UGT1A9: variants seen among roughly 807,000 people sequenced by gnomAD.
The protein encoded by UGT1A9 is UDP glucuronosyltransferase family 1 member A9.
A neutral mutation model predicts 45.0 loss-of-function variants in UGT1A9; 35 were observed. The observed-to-expected ratio is 0.78, with a 90% CI of 0.59 to 1.03. The LOEUF is 1.03. Ranked by LOEUF, UGT1A9 falls within the 50% of genes least tolerant of loss-of-function variation. The pLI, the probability that UGT1A9 is intolerant of heterozygous loss-of-function variation, is 0.00. For missense variants in UGT1A9, 687 were observed against 666.6 expected (o/e 1.03, Z -0.34); for synonymous variants, 278 against 250.6 (o/e 1.11, Z -1.03).
At chr2:233,728,999 G>A in intron 1 of UGT1A9, 10 of 1,561,322 alleles carry the variant, frequency 6.4e-6, no homozygotes, top group Non-Finnish European at 8.7e-6. Flanking sequence ...ACTAGAGGAG[G>A]GCACTCTGTC....
Position 233,747,854 on chromosome 2 carries a change from G to C in UGT1A9, c.856-19180G>C, listed in dbSNP as rs28900382. 4.1e-4 allele frequency: 669 copies of C among 1,613,508 alleles called. 5 individuals are homozygous for C. The East Asian group carries it at 0.011, about 27-fold the overall frequency. On this transcript the variant is annotated intron_variant, in intron 1 of 4. Coordinates refer to ENST00000354728, the MANE Select transcript of UGT1A9 (RefSeq NM_021027.3). ...CATTCCTGCAAAGGGTCAAGAACAT[G>C]CTCTACCCTCTGGCCCTGTCCTACC...
chr2:233,738,222 T>G (rs937351311), intron 1 of UGT1A9, among the ~76,000 whole-genome samples: 9 of 152,076 alleles, frequency 5.9e-5, no homozygotes, highest in African/African-American at 1.9e-4. Context: ...ATTATAAGTT[T>G]CCTGAGGCCC....
chr2:233,721,912 C>T (rs2125685075), intron 1 of UGT1A9: 6 of 427,588 alleles, frequency 1.4e-5, no homozygotes, highest in Middle Eastern at 5.8e-4. Context: ...GTGCACACTG[C>T]TTCCATAAAG....
intron 1 of UGT1A9, among the ~76,000 whole-genome samples, chr2:233,700,609 T>G (rs901361288): frequency 9.9e-5 from 15 of 152,150 alleles, no homozygotes; most frequent in Non-Finnish European, 7.4e-5. Context: ...ACTCTTTTTT[T>G]GGGGGGGTTC....
chr2:233,760,564 G>C, intron 1 of UGT1A9: 1 of 1,614,242 alleles, frequency 6.2e-7, no homozygotes, highest in Non-Finnish European at 8.5e-7. Context: ...AGAGTCTTTT[G>C]TTAGTCTCGG....
At chr2:233,731,530 C>T (rs149780205) in intron 1 of UGT1A9, among the ~76,000 whole-genome samples, 2,259 of 152,174 alleles carry the variant, frequency 0.015, 22 homozygotes, top group Non-Finnish European at 0.022. Flanking sequence ...TGAGAACATG[C>T]GGTGTTTGGT....
At chr2:233,743,383 G>A (rs1366748505) in intron 1 of UGT1A9, 1 of 1,197,714 alleles carries the variant, frequency 8.3e-7, no homozygotes, top group Non-Finnish European at 1.1e-6. Context: ...ACTACCGTAG[G>A]ACATGCAGAA....
intron 1 of UGT1A9, chr2:233,690,660 A>G (rs1050957409): frequency 2.3e-5 from 30 of 1,280,332 alleles, no homozygotes; most frequent in Non-Finnish European, 2.8e-5. Flanking sequence ...TACAGCACCA[A>G]CCAGGGCAGG....
At chr2:233,733,135 T>C (rs2078360537) in intron 1 of UGT1A9, among the ~76,000 whole-genome samples, 1 of 152,236 alleles carries the variant, frequency 6.6e-6, no homozygotes, top group Admixed American at 6.5e-5. Flanking sequence ...ATAGGAATGC[T>C]TGTGATTTTT....
At chr2:233,713,933 C>T (rs2076357446) in intron 1 of UGT1A9, 1 of 1,611,438 alleles carries the variant, frequency 6.2e-7, no homozygotes, top group Non-Finnish European at 8.5e-7. Context: ...CTTACAAGTG[C>T]TTCCATATCT....
At chr2:233,738,669 A>C (rs1295571840) in intron 1 of UGT1A9, among the ~76,000 whole-genome samples, 2 of 152,218 alleles carry the variant, frequency 1.3e-5, no homozygotes, top group African/African-American at 4.8e-5. Context: ...CTTGAGAGAG[A>C]TGATCTGAAA....
chr2:233,712,724 C>G (rs1378795818), intron 1 of UGT1A9, among the ~76,000 whole-genome samples: 3 of 151,202 alleles, frequency 2.0e-5, no homozygotes, highest in Non-Finnish European at 1.5e-5. Context: ...GAATGAGAAA[C>G]AAGAGCTTGA....
At chr2:233,714,796 T>C (rs2076413127) in intron 1 of UGT1A9, among the ~76,000 whole-genome samples, 1 of 152,264 alleles carries the variant, frequency 6.6e-6, no homozygotes, top group South Asian at 2.1e-4. Context: ...TTTCAAGTGC[T>C]CAATATTCAT....
At chr2:233,768,043 A>G in intron 3 of UGT1A9, 107 bp downstream of exon 3, 1 of 1,608,218 alleles carries the variant, frequency 6.2e-7, no homozygotes, top group Non-Finnish European at 8.5e-7. Flanking sequence ...ATTATGGCCA[A>G]CATATCCTAC....
intron 1 of UGT1A9, among the ~76,000 whole-genome samples, chr2:233,715,111 C>T (rs538311485): frequency 1.3e-5 from 2 of 152,222 alleles, no homozygotes; most frequent in East Asian, 3.9e-4. Flanking sequence ...ATCTCAAATG[C>T]CTGATCTCAA....
At chr2:233,748,187 T>C (rs919383057) in intron 1 of UGT1A9, 2 of 1,565,066 alleles carry the variant, frequency 1.3e-6, no homozygotes, top group African/African-American at 2.7e-5. Flanking sequence ...GGTGCTTTTA[T>C]TTCTGCTTGT....
In UGT1A9 at chr2:233,683,100, A is replaced by G. The variant is rs375985359; in HGVS notation, c.855+10311A>G. Among the ~76,000 whole-genome samples, 6 of 152,278 alleles carry G rather than the reference A, an allele frequency of 3.9e-5. No homozygotes were observed. The South Asian group carries it at 1.2e-3, about 32-fold the overall frequency. ...AAACTTCCCTTTTTTTGCTAATTCT[A>G]CACTACCCCCAGAGGAAAATATTCT... On this transcript the variant is annotated intron_variant, in intron 1 of 4. Transcript: ENST00000354728.
intron 1 of UGT1A9, chr2:233,713,939 T>G: frequency 6.2e-7 from 1 of 1,610,264 alleles, no homozygotes; most frequent in Non-Finnish European, 8.5e-7. Context: ...AGTGCTTCCA[T>G]ATCTACTTAT....
chr2:233,765,887 T>G (rs1279202147), intron 1 of UGT1A9, among the ~76,000 whole-genome samples: 1 of 152,030 alleles, frequency 6.6e-6, no homozygotes, highest in African/African-American at 2.4e-5. Flanking sequence ...ACTTTCTCAG[T>G]GCGCCACTGC....
Sources: gnomAD v4.1 joint callset for allele counts (sites outside exome capture counted in the v4.1 genomes callset) on GRCh38, gnomAD v4.1.1 for gene constraint, MANE v1.5 for transcripts, NCBI Gene and HGNC (gene_info 2026-07-23, HGNC 2026-07-21) for gene names.